Variants in CSGALNACT1 observed in about 807,000 individuals in gnomAD.
CSGALNACT1 encodes the protein chondroitin sulfate N-acetylgalactosaminyltransferase 1.
A neutral mutation model predicts 51.0 loss-of-function variants in CSGALNACT1; 52 were observed. The ratio of observed to expected loss-of-function variants is 1.02; its 90% CI spans 0.82 to 1.29. CSGALNACT1 has a LOEUF of 1.29. Ranked by LOEUF, CSGALNACT1 falls within the 50% of genes most tolerant of loss-of-function variation. The pLI, the probability that CSGALNACT1 is intolerant of heterozygous loss-of-function variation, is 0.00. For missense variants in CSGALNACT1, 935 were observed against 679.2 expected (o/e 1.38, Z -4.19); for synonymous variants, 341 against 254.4 (o/e 1.34, Z -3.24).
intron 6 of CSGALNACT1, among the ~76,000 whole-genome samples, chr8:19,424,444 C>G (rs2058462140): frequency 6.6e-6 from 1 of 152,098 alleles, no homozygotes; most frequent in African/African-American, 2.4e-5. Flanking sequence ...CAGGAAGAGC[C>G]TCTGATAATT....
At chr8:19,436,398 C>G (rs1378960524) in intron 6 of CSGALNACT1, among the ~76,000 whole-genome samples, 1 of 152,130 alleles carries the variant, frequency 6.6e-6, no homozygotes, top group East Asian at 1.9e-4. Context: ...TGGCAGGGAT[C>G]ACAGCCTGAG....
chr8:19,670,280 C>T (rs754956830), intron 1 of CSGALNACT1, among the ~76,000 whole-genome samples: 1 of 152,176 alleles, frequency 6.6e-6, no homozygotes, highest in South Asian at 2.1e-4. Flanking sequence ...AGTAGAATCT[C>T]AGTGAGCTTT....
At chr8:19,512,576 T>C (rs1469609339) in intron 3 of CSGALNACT1, among the ~76,000 whole-genome samples, 1 of 152,248 alleles carries the variant, frequency 6.6e-6, no homozygotes, top group African/African-American at 2.4e-5. Flanking sequence ...TGTTTTAATA[T>C]GTCTTACCTC....
chr8:19,656,507 T>C (rs116056808), intron 1 of CSGALNACT1, among the ~76,000 whole-genome samples: 1,519 of 151,890 alleles, frequency 0.01, 24 homozygotes, highest in African/African-American at 0.035. Context: ...CAGGTAAATA[T>C]TCAGGAAACT....
chr8:19,536,202 A>T (rs1347776072), intron 3 of CSGALNACT1, among the ~76,000 whole-genome samples: 8 of 152,194 alleles, frequency 5.3e-5, no homozygotes, highest in African/African-American at 1.9e-4. Flanking sequence ...TAAAATGTAG[A>T]TTCATCAATT....
chr8:19,483,675 T>C lies in CSGALNACT1; in HGVS notation c.634+21526A>G, dbSNP rs535557196. 9.7e-4 allele frequency among the ~76,000 whole-genome samples: 148 copies of C among 152,326 alleles called. 1 individual carries two copies. Among genetic ancestry groups the C allele is most frequent in the Middle Eastern group, 3.4e-3 (1 of 294 alleles). Reference sequence around the variant, plus strand: ...TACAACAATTATGTAATCTCTGTAATCTAAAACCATACCTTATCACCATCA... The same window carrying C: ...TACAACAATTATGTAATCTCTGTAACCTAAAACCATACCTTATCACCATCA... On this transcript the variant is annotated intron_variant, in intron 4 of 9. Coordinates refer to ENST00000454498, the Ensembl canonical transcript of CSGALNACT1.
intron 1 of CSGALNACT1, among the ~76,000 whole-genome samples, chr8:19,736,898 T>C (rs2064012705): frequency 6.7e-6 from 1 of 149,632 alleles, no homozygotes; most frequent in Admixed American, 6.8e-5. Flanking sequence ...TATCCTTGAG[T>C]TCAGGAATCT....
At chr8:19,407,491 G>T (rs773521188) in intron 9 of CSGALNACT1, among the ~76,000 whole-genome samples, 1 of 152,164 alleles carries the variant, frequency 6.6e-6, no homozygotes, top group Non-Finnish European at 1.5e-5. Flanking sequence ...TACCCAGGTC[G>T]TGCATAATCT....
At chr8:19,494,909 C>G (rs28671342) in intron 4 of CSGALNACT1, 4 of 144,370 alleles carry the variant, frequency 2.8e-5, no homozygotes, top group Admixed American at 7.0e-5. Flanking sequence ...GCAGGAGGGT[C>G]GGGTAGGATT....
At chr8:19,673,303 G>A (rs1031784435) in intron 1 of CSGALNACT1, among the ~76,000 whole-genome samples, 1 of 152,194 alleles carries the variant, frequency 6.6e-6, no homozygotes, top group Non-Finnish European at 1.5e-5. Flanking sequence ...ACCTGGCTGT[G>A]TTTCAAAGGC....
chr8:19,471,021 G>GGGAGGT (rs2068024106), intron 4 of CSGALNACT1, among the ~76,000 whole-genome samples: 1 of 151,866 alleles, frequency 6.6e-6, no homozygotes, highest in Admixed American at 6.6e-5. Flanking sequence ...GCTTGAACCT[G>GGGAGGT]GGAGGTGGAG....
chr8:19,553,066 G>A (rs1414422832), intron 3 of CSGALNACT1, among the ~76,000 whole-genome samples: 1 of 152,074 alleles, frequency 6.6e-6, no homozygotes, highest in South Asian at 2.1e-4. Flanking sequence ...ATATAGTTTT[G>A]TGCCCATTTG....
intron 3 of CSGALNACT1, among the ~76,000 whole-genome samples, chr8:19,555,274 A>C (rs1417382469): frequency 6.6e-6 from 1 of 152,074 alleles, no homozygotes; most frequent in Non-Finnish European, 1.5e-5. Flanking sequence ...AAGAAAAAGA[A>C]GGGTCAGTTA....
chr8:19,625,293 G>T (rs377532266), intron 1 of CSGALNACT1, among the ~76,000 whole-genome samples: 3 of 152,214 alleles, frequency 2.0e-5, no homozygotes, highest in East Asian at 3.8e-4. Context: ...AGCATTCACT[G>T]ATTTGGGGTA....
At chr8:19,731,608 A>G (rs2063698698) in intron 1 of CSGALNACT1, among the ~76,000 whole-genome samples, 1 of 152,216 alleles carries the variant, frequency 6.6e-6, no homozygotes, top group Admixed American at 6.5e-5. Context: ...TCTTGAACAC[A>G]ACACCTCCAA....
intron 1 of CSGALNACT1, among the ~76,000 whole-genome samples, chr8:19,718,507 G>A (rs2062940303): frequency 6.6e-6 from 1 of 152,204 alleles, no homozygotes; most frequent in African/African-American, 2.4e-5. Flanking sequence ...GTTGCAGCAA[G>A]TGAATCTGTG....
intron 1 of CSGALNACT1, among the ~76,000 whole-genome samples, chr8:19,672,862 C>T (rs1425834817): frequency 6.6e-6 from 1 of 152,184 alleles, no homozygotes; most frequent in East Asian, 1.9e-4. Context: ...CAGGCTACAT[C>T]AGTTATTCAT....
chr8:19,450,835 A>C (rs2063054965), intron 5 of CSGALNACT1, among the ~76,000 whole-genome samples: 1 of 151,974 alleles, frequency 6.6e-6, no homozygotes, highest in Admixed American at 6.6e-5. Context: ...ACTGGAGCCC[A>C]GGAGTTTGAG....
intron 6 of CSGALNACT1, among the ~76,000 whole-genome samples, chr8:19,434,903 G>A (rs755829237): frequency 6.6e-6 from 1 of 151,822 alleles, no homozygotes; most frequent in Non-Finnish European, 1.5e-5. Context: ...CAAAAAGCCT[G>A]GAACAAACCA....
Sources: allele counts gnomAD v4.1 joint callset (sites outside exome capture counted in the v4.1 genomes callset), GRCh38; gene constraint gnomAD v4.1.1; transcripts MANE v1.5; gene names NCBI Gene and HGNC (gene_info 2026-07-23, HGNC 2026-07-21).